TCEA1: variants seen among roughly 807,000 people sequenced by gnomAD.
TCEA1 encodes transcription elongation factor A protein 1.
TCEA1 carries 21 observed loss-of-function variants against 43.8 expected under a neutral mutation model. That is an observed-to-expected ratio of 0.48 (90% CI 0.34 to 0.69). The LOEUF is 0.69. TCEA1 is among the 30% of genes least tolerant of loss of function. The pLI is 0.01. For synonymous variants in TCEA1, 104 were observed against 117.5 expected (o/e 0.88, Z 0.75); for missense variants, 250 against 365.1 (o/e 0.68, Z 2.57).
chr8:53,995,545 G>T (rs1804028390), intron 3 of TCEA1, among the ~76,000 whole-genome samples: 1 of 152,160 alleles, frequency 6.6e-6, no homozygotes, highest in African/African-American at 2.4e-5. Flanking sequence ...TACCAGTTAA[G>T]TACATTTTGC....
At chr8:53,995,664 G>C (rs1273715491) in intron 3 of TCEA1, among the ~76,000 whole-genome samples, 1 of 152,088 alleles carries the variant, frequency 6.6e-6, no homozygotes, top group Non-Finnish European at 1.5e-5. Context: ...AATCACCTAG[G>C]GAGCTTTTAA....
At chr8:54,012,558 C>CA (rs1563515752) in intron 1 of TCEA1, among the ~76,000 whole-genome samples, 2 of 151,614 alleles carry the variant, frequency 1.3e-5, no homozygotes, top group African/African-American at 2.4e-5. Flanking sequence ...GACTCCGTCT[C>CA]AAAAAAACAA....
In TCEA1 at chr8:53,966,796, T is replaced by C. The variant is rs537828117; in HGVS notation, c.*1308A>G. 2.0e-5 allele frequency: 4 copies of C among 203,598 alleles called. No individual in the cohort carries two copies. The highest frequency in any genetic ancestry group is 2.3e-5 in the African/African-American group (1 of 43,646). The allele number at this position is 203,598 out of a possible 1,614,324, so 12.6% of individuals were successfully genotyped here. A position where few individuals can be genotyped will look rare whatever the true frequency, so the allele number is the denominator to read the frequency against. On this transcript the variant is annotated 3_prime_UTR_variant, in exon 10 of 10. Coordinates refer to ENST00000521604, the MANE Select transcript of TCEA1 (RefSeq NM_006756.4). ...CAACAAAATGATATGCAATAAGAAA[T>C]TGGAAAAAGGGAGCAAAGGAGAGTG...
At chr8:54,001,779 C>G (rs879470243) in intron 2 of TCEA1, among the ~76,000 whole-genome samples, 1 of 152,050 alleles carries the variant, frequency 6.6e-6, no homozygotes, top group Admixed American at 6.6e-5. Context: ...TAGCCTCAAA[C>G]AAAACCTATA....
At chr8:53,986,354 A>C (rs868212464) in intron 6 of TCEA1, among the ~76,000 whole-genome samples, 7 of 152,230 alleles carry the variant, frequency 4.6e-5, no homozygotes, top group Non-Finnish European at 7.3e-5. Context: ...TGTCCAGTTT[A>C]ATCTGTGAAA....
At chr8:53,969,213 CTGGGAGGCGAAGGT>C (rs1169194675) in intron 9 of TCEA1, among the ~76,000 whole-genome samples, 4 of 152,124 alleles carry the variant, frequency 2.6e-5, no homozygotes. Flanking sequence ...TCGCTTGAAC[CTGGGAGGCGAAGGT>C]TGCAGTGAGC....
intron 2 of TCEA1, among the ~76,000 whole-genome samples, chr8:54,003,809 T>G (rs374520523): frequency 3.4e-4 from 52 of 152,030 alleles, no homozygotes; most frequent in African/African-American, 1.2e-3. Flanking sequence ...AATTTAAAAC[T>G]TTTGTGCTTC....
chr8:54,010,355 T>C, intron 2 of TCEA1, 75 bp downstream of exon 2: 1 of 1,118,132 alleles, frequency 8.9e-7, no homozygotes, highest in South Asian at 1.4e-5. Flanking sequence ...TACAAAAACA[T>C]ATTGGTACTG....
At chr8:53,983,324 C>T (rs1803576944) in intron 7 of TCEA1, among the ~76,000 whole-genome samples, 1 of 152,212 alleles carries the variant, frequency 6.6e-6, no homozygotes, top group Non-Finnish European at 1.5e-5. Flanking sequence ...CCAATCCAAA[C>T]TTGCAATGTA....
chr8:54,002,880 G>A (rs1214514055), intron 2 of TCEA1: 14 of 456,142 alleles, frequency 3.1e-5, no homozygotes, highest in Non-Finnish European at 5.3e-5. Flanking sequence ...TATACAGAAA[G>A]AAAGACATTA....
chr8:54,010,582 CAG>C (rs1804620934), intron 1 of TCEA1, 90 bp from the exon 2 acceptor site: 3 of 1,034,516 alleles, frequency 2.9e-6, no homozygotes, highest in Admixed American at 6.0e-5. Flanking sequence ...TCACAGAAAA[CAG>C]CTAAAGAGGA....
intron 8 of TCEA1, chr8:53,973,602 A>T: frequency 1.8e-6 from 1 of 566,780 alleles, no homozygotes; most frequent in Non-Finnish European, 3.4e-6. Flanking sequence ...GGAGGAGGAA[A>T]GTAAGAAACA....
intron 2 of TCEA1, among the ~76,000 whole-genome samples, chr8:54,004,321 A>C (rs1049593271): frequency 1.5e-4 from 23 of 152,232 alleles, no homozygotes; most frequent in African/African-American, 5.3e-4. Flanking sequence ...TGCTCACACA[A>C]ACTTGTATAT....
At chr8:53,986,915 C>T in intron 6 of TCEA1, 54 bp downstream of exon 6, 1 of 1,395,226 alleles carries the variant, frequency 7.2e-7, no homozygotes. Context: ...TGCATATGTT[C>T]AATAAATATT....
At chr8:53,997,271 TCA>T (rs375623996) in intron 3 of TCEA1, among the ~76,000 whole-genome samples, 6 of 151,976 alleles carry the variant, frequency 3.9e-5, no homozygotes, top group African/African-American at 1.5e-4. Context: ...GTCAGAAAAA[TCA>T]CAATTTTGCA....
intron 8 of TCEA1, 39 bp downstream of exon 8, chr8:53,978,986 T>C: frequency 6.4e-7 from 1 of 1,566,100 alleles, no homozygotes; most frequent in South Asian, 1.2e-5. Flanking sequence ...GTTGCAAGCA[T>C]TTTTATATAA....
chr8:53,979,318 G>A lies in TCEA1; in HGVS notation c.679-147C>T, dbSNP rs1312172348. 3.2e-6 allele frequency: 3 copies of A among 941,236 alleles called. No homozygotes were observed. The East Asian group carries it at 8.1e-5, about 25-fold the overall frequency. The allele number at this position is 941,236 out of a possible 1,614,324, so 58.3% of individuals were successfully genotyped here. On this transcript the variant is annotated intron_variant, in intron 7 of 9. Transcript: ENST00000521604. ...CATTAAATTAATATTTTTCCTCAAA[G>A]GCTTTGTAAGAGTTTAATTCCTTTT...
At chr8:54,010,124 A>G in intron 2 of TCEA1, 1 of 297,646 alleles carries the variant, frequency 3.4e-6, no homozygotes, top group Non-Finnish European at 6.2e-6. Flanking sequence ...TCAATAATAG[A>G]TCAAGAAAGG....
Position 53,983,593 on chromosome 8 carries a change from G to A in TCEA1, c.678+770C>T, listed in dbSNP as rs376844360. ...TGAAGCAGGAGAATCGCTTGAACCC[G>A]GGAGGCAGAGGTTGCAGTGAGCCAA... On this transcript the variant is annotated intron_variant, in intron 7 of 9. Coordinates refer to ENST00000521604, the MANE Select transcript of TCEA1 (RefSeq NM_006756.4). 1.3e-4 allele frequency among the ~76,000 whole-genome samples: 19 copies of A among 151,732 alleles called. No individual in the cohort carries two copies. The East Asian group carries it at 1.6e-3, about 12-fold the overall frequency.
Sources: gnomAD v4.1 joint callset for allele counts (sites outside exome capture counted in the v4.1 genomes callset) on GRCh38, gnomAD v4.1.1 for gene constraint, MANE v1.5 for transcripts, NCBI Gene and HGNC (gene_info 2026-07-23, HGNC 2026-07-21) for gene names.